PPP2R2B: variants seen among roughly 807,000 people sequenced by gnomAD.
The protein encoded by PPP2R2B is serine/threonine-protein phosphatase 2A 55 kDa regulatory subunit B beta isoform.
A neutral mutation model predicts 46.0 loss-of-function variants in PPP2R2B; 5 were observed. The observed-to-expected ratio is 0.11, with a 90% CI of 0.06 to 0.23. The LOEUF (loss-of-function observed/expected upper bound fraction) is 0.23. Among genes scored for constraint, PPP2R2B ranks in the 10% least tolerant of loss-of-function variants. The pLI is 1.00. For synonymous variants in PPP2R2B, 215 were observed against 206.7 expected (o/e 1.04, Z -0.34); for missense variants, 367 against 575.0 (o/e 0.64, Z 3.70).
chr5:146,759,648 C>A (rs1355733743), intron 2 of PPP2R2B, among the ~76,000 whole-genome samples: 1 of 152,166 alleles, frequency 6.6e-6, no homozygotes, highest in Non-Finnish European at 1.5e-5. Flanking sequence ...GTTGCACTCT[C>A]AACATCCTCT....
At chr5:146,602,079 T>C (rs922949880) in intron 7 of PPP2R2B, among the ~76,000 whole-genome samples, 1 of 152,210 alleles carries the variant, frequency 6.6e-6, no homozygotes, top group Non-Finnish European at 1.5e-5. Context: ...CTTTGATGCA[T>C]ATACCTCATC....
intron 5 of PPP2R2B, among the ~76,000 whole-genome samples, chr5:146,690,487 C>T (rs1439998661): frequency 1.3e-5 from 2 of 152,124 alleles, no homozygotes; most frequent in African/African-American, 4.8e-5. Flanking sequence ...CTTACAAATC[C>T]TCTTTATCAG....
At chr5:146,740,249 G>C (rs916152279) in intron 2 of PPP2R2B, among the ~76,000 whole-genome samples, 1 of 152,204 alleles carries the variant, frequency 6.6e-6, no homozygotes, top group African/African-American at 2.4e-5. Context: ...TGATAAAAGA[G>C]AACAGCTCTG....
At chr5:146,785,264 T>C (rs1041403259) in intron 2 of PPP2R2B, among the ~76,000 whole-genome samples, 5 of 152,096 alleles carry the variant, frequency 3.3e-5, no homozygotes, top group African/African-American at 1.2e-4. Flanking sequence ...ATAAAATAGC[T>C]GGCCAGGCAC....
chr5:146,880,183 G>A (rs574934719), upstream of PPP2R2B, among the ~76,000 whole-genome samples: 6 of 72,686 alleles, frequency 8.3e-5, no homozygotes, highest in African/African-American at 2.9e-4. Flanking sequence ...GTTATTTTGT[G>A]TGTGTGTGTG....
rs1255171654 is a variant in PPP2R2B, at chr5:146,585,261, C to CACACACACACACAT, written c.*4685_*4686insATGTGTGTGTGTGT. The CACACACACACACAT allele has an allele frequency of 1.5e-4, 19 of 127,136 alleles. No individual in the cohort carries two copies. The highest frequency in any genetic ancestry group is 5.7e-4 in the African/African-American group (19 of 33,282). 7.9% of individuals were successfully genotyped at this position (127,136 alleles called of 1,614,324 possible). The stretch of plus-strand genomic sequence containing the variant: ...TCAGTAACTTCCATCTACATGCATA[C>CACACACACACACAT]ACACACACACACACACACACACACA... On this transcript the variant is annotated 3_prime_UTR_variant, in exon 10 of 10. Coordinates refer to ENST00000394411, the MANE Select transcript of PPP2R2B (RefSeq NM_181675.4).
intron 2 of PPP2R2B, among the ~76,000 whole-genome samples, chr5:147,076,677 A>T (rs984549579): frequency 6.6e-6 from 1 of 152,180 alleles, no homozygotes; most frequent in African/African-American, 2.4e-5. Context: ...CCTCTTTGGT[A>T]GTCTGAGCAT....
chr5:146,589,764 G>A lies in PPP2R2B; in HGVS notation c.*183C>T, dbSNP rs1308725064. On this transcript the variant is annotated 3_prime_UTR_variant, in exon 10 of 10. Coordinates refer to ENST00000394411, the MANE Select transcript of PPP2R2B (RefSeq NM_181675.4). ...AAACAGAAGTGTCCCAAACCTATTG[G>A]GTTTGACAAAAGTTTCTTAGAACTG... 8 of 642,028 alleles carry A rather than the reference G, an allele frequency of 1.2e-5. No homozygotes were observed. The East Asian group carries it at 2.2e-4, about 18-fold the overall frequency. The allele number at this position is 642,028 out of a possible 1,614,324, so 39.8% of individuals were successfully genotyped here.
At chr5:146,880,976 C>T (rs1762147417), upstream of PPP2R2B, among the ~76,000 whole-genome samples, 1 of 151,824 alleles carries the variant, frequency 6.6e-6, no homozygotes, top group South Asian at 2.1e-4. Flanking sequence ...GGGAAAAAAG[C>T]TGTTGGCTCT....
chr5:147,046,470 C>G (rs1214274121), intron 1 of PPP2R2B, among the ~76,000 whole-genome samples: 1 of 152,168 alleles, frequency 6.6e-6, no homozygotes, highest in African/African-American at 2.4e-5. Flanking sequence ...ACTCAGAAAA[C>G]TAATGAGCCA....
chr5:146,644,231 T>A, intron 6 of PPP2R2B, among the ~76,000 whole-genome samples: 2 of 87,470 alleles, frequency 2.3e-5, no homozygotes, highest in Admixed American at 1.5e-4. Context: ...CTTAGGAAAG[T>A]TTCAAAAAAA....
At chr5:146,725,472 A>G (rs113030390) in intron 2 of PPP2R2B, among the ~76,000 whole-genome samples, 1 of 152,220 alleles carries the variant, frequency 6.6e-6, no homozygotes, top group African/African-American at 2.4e-5. Flanking sequence ...ATATGCATGC[A>G]TGCATCTAAA....
intron 2 of PPP2R2B, among the ~76,000 whole-genome samples, chr5:146,814,195 A>G (rs1757795955): frequency 6.6e-6 from 1 of 151,814 alleles, no homozygotes; most frequent in South Asian, 2.1e-4. Context: ...AACAGCTAAA[A>G]AAAAAAAAAA....
At chr5:146,763,868 A>AT (rs1047647813) in intron 2 of PPP2R2B, among the ~76,000 whole-genome samples, 2 of 152,074 alleles carry the variant, frequency 1.3e-5, no homozygotes, top group African/African-American at 4.8e-5. Flanking sequence ...GACTACAGGC[A>AT]TGTGCTACCA....
At chr5:146,899,135 A>G (rs1220218388) in intron 1 of PPP2R2B, among the ~76,000 whole-genome samples, 5 of 149,924 alleles carry the variant, frequency 3.3e-5, no homozygotes, top group Non-Finnish European at 7.4e-5. Flanking sequence ...TATATACCCA[A>G]AGGACTATAA....
intron 1 of PPP2R2B, among the ~76,000 whole-genome samples, chr5:146,932,552 C>T (rs1764003441): frequency 6.6e-6 from 1 of 152,166 alleles, no homozygotes; most frequent in African/African-American, 2.4e-5. Context: ...TTGCCTTCTG[C>T]CATGACTGTG....
At chr5:146,725,438 G>A (rs945235055) in intron 2 of PPP2R2B, among the ~76,000 whole-genome samples, 5 of 152,166 alleles carry the variant, frequency 3.3e-5, no homozygotes, top group Admixed American at 2.6e-4. Flanking sequence ...ATAGGGAAAT[G>A]GATGCAGGTA....
At chr5:146,728,643 G>A (rs1752032092) in intron 2 of PPP2R2B, among the ~76,000 whole-genome samples, 1 of 152,204 alleles carries the variant, frequency 6.6e-6, no homozygotes, top group South Asian at 2.1e-4. Flanking sequence ...CCCATGTGTT[G>A]TGGGAGGGAC....
intron 1 of PPP2R2B, among the ~76,000 whole-genome samples, chr5:146,946,084 A>G (rs1188046494): frequency 1.3e-5 from 2 of 152,186 alleles, no homozygotes; most frequent in Admixed American, 1.3e-4. Flanking sequence ...TGGATTCTAT[A>G]AAATGATTTA....
Sources: gnomAD v4.1 joint callset for allele counts (sites outside exome capture counted in the v4.1 genomes callset) on GRCh38, gnomAD v4.1.1 for gene constraint, MANE v1.5 for transcripts, NCBI Gene and HGNC (gene_info 2026-07-23, HGNC 2026-07-21) for gene names.